Variants in SNRNP27 observed in about 807,000 individuals in gnomAD.
SNRNP27 encodes the protein small nuclear ribonucleoprotein U4/U6.U5 subunit 27.
Under a neutral mutation model 25.1 loss-of-function variants are expected in SNRNP27, and 22 were observed. That is an observed-to-expected ratio of 0.88 (90% CI 0.63 to 1.25). The LOEUF (loss-of-function observed/expected upper bound fraction) is 1.25. Among genes scored for constraint, SNRNP27 ranks in the 50% most tolerant of loss-of-function variants. The pLI is 0.00. For synonymous variants in SNRNP27, 66 were observed against 64.9 expected (o/e 1.02, Z -0.08); for missense variants, 150 against 202.3 (o/e 0.74, Z 1.57).
Position 69,904,354 on chromosome 2 carries a change from A to G in SNRNP27, c.*46A>G. On this transcript the variant is annotated 3_prime_UTR_variant, in exon 6 of 6. Transcript: ENST00000244227. ...GATTTTTTTTCCCCTCATCTTGGTC[A>G]GAGAGTGGATTTTGTATTTTGTATT... is the stretch of plus-strand genomic sequence containing the variant. 3 of 1,425,406 alleles carry G rather than the reference A, an allele frequency of 2.1e-6. No individual in the cohort carries two copies. The highest frequency in any genetic ancestry group is 3.0e-6 in the Non-Finnish European group (3 of 1,011,700). The allele number at this position is 1,425,406 out of a possible 1,614,324, so 88.3% of individuals were successfully genotyped here.
intron 1 of SNRNP27, among the ~76,000 whole-genome samples, chr2:69,894,476 T>G (rs1676564796): frequency 6.6e-6 from 1 of 152,272 alleles, no homozygotes; most frequent in East Asian, 1.9e-4. Context: ...GGTTCTTAAA[T>G]ACTTAATAAA....
chr2:69,897,345 TAGAG>T lies in SNRNP27; in HGVS notation c.269-29_269-26del, dbSNP rs112446081. 735 of 1,430,548 alleles carry T rather than the reference TAGAG, an allele frequency of 5.1e-4. 1 individual carries two copies. The African/African-American group carries it at 7.0e-3, about 14-fold the overall frequency. 88.6% of individuals were successfully genotyped at this position (1,430,548 alleles called of 1,614,324 possible). A position where few individuals can be genotyped will look rare whatever the true frequency, so the allele number is the denominator to read the frequency against. On this transcript the variant is annotated intron_variant, in intron 3 of 5. Coordinates refer to ENST00000244227, the MANE Select transcript of SNRNP27 (RefSeq NM_006857.3). ...TTATTTATGTATATATTTGAAATGA[TAGAG>T]AGGTCACAAAATTATTCTTTTTTGC...
intron 5 of SNRNP27, chr2:69,903,530 T>A (rs1676745581): frequency 3.0e-6 from 1 of 330,776 alleles, no homozygotes. Context: ...TTGATTTCAT[T>A]ATAATTTAGG....
intron 4 of SNRNP27, among the ~76,000 whole-genome samples, chr2:69,898,445 A>T (rs1225019580): frequency 6.6e-6 from 1 of 151,576 alleles, no homozygotes; most frequent in Non-Finnish European, 1.5e-5. Flanking sequence ...AGGAGAGGGG[A>T]TGGAGAGAGG....
chr2:69,902,910 TCTTC>T (rs1046800490), intron 4 of SNRNP27, among the ~76,000 whole-genome samples: 1 of 146,366 alleles, frequency 6.8e-6, no homozygotes, highest in Non-Finnish European at 1.5e-5. Flanking sequence ...CCTTCCTCCT[TCTTC>T]CTTTCTCCTC....
intron 4 of SNRNP27, among the ~76,000 whole-genome samples, chr2:69,902,361 TTC>T (rs750522743): frequency 7.2e-5 from 11 of 152,016 alleles, no homozygotes; most frequent in African/African-American, 2.7e-4. Flanking sequence ...TTGCTGCTGC[TTC>T]TGTTTGTGCT....
At chr2:69,895,321 C>A in intron 2 of SNRNP27, 107 bp downstream of exon 2, 1 of 1,385,812 alleles carries the variant, frequency 7.2e-7, no homozygotes, top group Non-Finnish European at 9.7e-7. Context: ...TTACGGTTTC[C>A]TGAAATGGAG....
intron 3 of SNRNP27, among the ~76,000 whole-genome samples, chr2:69,896,758 C>T (rs532764870): frequency 1.3e-5 from 2 of 151,408 alleles, no homozygotes; most frequent in Admixed American, 6.6e-5. Context: ...CTGCAACCTC[C>T]GCCTCCTGGG....
intron 4 of SNRNP27, 36 bp downstream of exon 4, chr2:69,897,492 T>C (rs778705549): frequency 1.4e-6 from 2 of 1,434,704 alleles, no homozygotes; most frequent in Non-Finnish European, 2.0e-6. Context: ...TTTGAATTAA[T>C]ATGTTATGAC....
rs572293363 is a variant in SNRNP27, at chr2:69,898,706, G to T, written c.348+1250G>T. Among the ~76,000 whole-genome samples the T allele has an allele frequency of 1.3e-4, 20 of 152,276 alleles. No homozygotes were observed. In the East Asian group the frequency reaches 3.9e-3, roughly 29 times the overall value. On this transcript the variant is annotated intron_variant, in intron 4 of 5. Transcript: ENST00000244227. ...TAAAATGACAGTGTGTAACTTAGGA[G>T]TACTGAGGCATGACTGTTTTGAGGT...
Position 69,904,400 on chromosome 2 carries a change from G to A in SNRNP27, c.*92G>A, listed in dbSNP as rs1376638539. 35 of 950,296 alleles carry A rather than the reference G, an allele frequency of 3.7e-5. No individual in the cohort carries two copies. The highest frequency in any genetic ancestry group is 5.7e-5 in the Non-Finnish European group (33 of 582,112). 58.9% of individuals were successfully genotyped at this position (950,296 alleles called of 1,614,324 possible). On this transcript the variant is annotated 3_prime_UTR_variant, in exon 6 of 6. Coordinates refer to ENST00000244227, the MANE Select transcript of SNRNP27 (RefSeq NM_006857.3). ...GTATTTAACTTGCATTCAAAAAACA[G>A]GATCTCAGTTCTCCTTTCTTGTAAA... is the stretch of plus-strand genomic sequence containing the variant.
chr2:69,904,456 T>G lies in SNRNP27; in HGVS notation c.*148T>G, dbSNP rs564137993. On this transcript the variant is annotated 3_prime_UTR_variant, in exon 6 of 6. Transcript: ENST00000244227. ...AAAATCTTATTTATGATATATGCAG[T>G]TAACTTACCTTGCCTCAACAGAAGA... 4.3e-4 allele frequency: 297 copies of G among 697,108 alleles called. 1 individual carries two copies. In the African/African-American group the frequency reaches 5.0e-3, roughly 12 times the overall value. The allele number at this position is 697,108 out of a possible 1,614,324, so 43.2% of individuals were successfully genotyped here. A position where few individuals can be genotyped will look rare whatever the true frequency, so the allele number is the denominator to read the frequency against.
rs760792826 is a variant in SNRNP27, at chr2:69,904,398, C to G, written c.*90C>G. On this transcript the variant is annotated 3_prime_UTR_variant, in exon 6 of 6. Transcript: ENST00000244227. ...TTGTATTTAACTTGCATTCAAAAAACAGGATCTCAGTTCTCCTTTCTTGTA... is the reference window on the plus strand; with the variant it reads ...TTGTATTTAACTTGCATTCAAAAAAGAGGATCTCAGTTCTCCTTTCTTGTA... 5.2e-6 allele frequency: 5 copies of G among 957,736 alleles called. No individual in the cohort carries two copies. The highest frequency in any genetic ancestry group is 8.5e-6 in the Non-Finnish European group (5 of 588,506). The allele number at this position is 957,736 out of a possible 1,614,324, so 59.3% of individuals were successfully genotyped here.
chr2:69,902,136 T>C (rs146482823), intron 4 of SNRNP27, among the ~76,000 whole-genome samples: 2 of 152,216 alleles, frequency 1.3e-5, no homozygotes, highest in South Asian at 4.1e-4. Flanking sequence ...CAGAGAGTTA[T>C]ACCACTTGGG....
chr2:69,900,859 A>G (rs558672315), intron 4 of SNRNP27, among the ~76,000 whole-genome samples: 141 of 152,310 alleles, frequency 9.3e-4, no homozygotes, highest in Non-Finnish European at 1.7e-3. Context: ...TATGATGTAC[A>G]TCATGGTTTT....
intron 4 of SNRNP27, among the ~76,000 whole-genome samples, chr2:69,900,825 G>T (rs1676680897): frequency 6.6e-6 from 1 of 152,156 alleles, no homozygotes; most frequent in Non-Finnish European, 1.5e-5. Context: ...CAAGAAGCTT[G>T]CAGTCTCATA....
intron 4 of SNRNP27, among the ~76,000 whole-genome samples, chr2:69,902,656 T>TCTTCTGCTGCTC (rs71916262): frequency 2.7e-5 from 4 of 150,558 alleles, no homozygotes; most frequent in Admixed American, 6.6e-5. Context: ...TGCTTCTGCT[T>TCTTCTGCTGCTC]CTTCTGCTGC....
Position 69,893,979 on chromosome 2 carries a change from C to A in SNRNP27, c.-6C>A. On this transcript the variant is annotated 5_prime_UTR_variant, in exon 1 of 6. Transcript: ENST00000244227. ...GCACAGTTGTTTCCGGGAAGCGGGA[C>A]TCCAAATGGGTCGCAGTCGCAGCCG... The A allele has an allele frequency of 1.2e-6, 2 of 1,614,064 alleles. No individual in the cohort carries two copies. The highest frequency in any genetic ancestry group is 1.7e-6 in the Non-Finnish European group (2 of 1,179,950).
At chr2:69,898,646 T>G (rs949195458) in intron 4 of SNRNP27, among the ~76,000 whole-genome samples, 3 of 152,172 alleles carry the variant, frequency 2.0e-5, no homozygotes, top group Non-Finnish European at 4.4e-5. Context: ...TAAGTTTCTT[T>G]CTAACTAATG....
Sources: allele counts gnomAD v4.1 joint callset (sites outside exome capture counted in the v4.1 genomes callset), GRCh38; gene constraint gnomAD v4.1.1; transcripts MANE v1.5; gene names NCBI Gene and HGNC (gene_info 2026-07-23, HGNC 2026-07-21).